CD6: variants seen among roughly 807,000 people sequenced by gnomAD.
CD6 encodes the protein CD6 molecule, also known as T-cell differentiation antigen CD6.
CD6 carries 53 observed loss-of-function variants against 75.3 expected under a neutral mutation model. That is an observed-to-expected ratio of 0.70 (90% CI 0.56 to 0.88). CD6 has a LOEUF of 0.88. Ranked by LOEUF, CD6 falls within the 40% of genes least tolerant of loss-of-function variation. CD6 has a pLI of 0.00. For missense variants in CD6, 770 were observed against 897.1 expected (o/e 0.86, Z 1.81); for synonymous variants, 359 against 381.5 (o/e 0.94, Z 0.69).
At chr11:60,990,467 A>G (rs919298835) in intron 1 of CD6, among the ~76,000 whole-genome samples, 4 of 152,246 alleles carry the variant, frequency 2.6e-5, no homozygotes, top group Admixed American at 1.3e-4. Flanking sequence ...CAAGTGATCC[A>G]CTTGCCTCGG....
rs1858895331 is a variant in CD6 at position 61,007,048 on chromosome 11, TG to T, written c.118+410del. Among the ~76,000 whole-genome samples, 2 of 152,194 alleles carry T rather than the reference TG, an allele frequency of 1.3e-5. No homozygotes were observed. The highest frequency in any genetic ancestry group is 4.2e-4 in the South Asian group (2 of 4,818). ...CAGGTGGTTCCCATAGAAGGGGTTC[TG>T]GGGAAGTGAGGACCACCATCAGCTG... On this transcript the variant is annotated intron_variant, in intron 2 of 12. Transcript: ENST00000313421. This position sits in a 1 kb window ranked among gnomAD's most constrained non-coding sequence, Gnocchi z 4.2.
intron 3 of CD6, 151 bp downstream of exon 3, chr11:61,008,061 G>A (rs894358411): frequency 8.5e-5 from 40 of 472,732 alleles, no homozygotes; most frequent in Non-Finnish European, 1.3e-4. Flanking sequence ...TTCCCACACC[G>A]GAGGACGACC....
intron 1 of CD6, among the ~76,000 whole-genome samples, chr11:61,000,397 C>A (rs535395392): frequency 6.6e-6 from 1 of 152,088 alleles, no homozygotes; most frequent in Admixed American, 6.5e-5. Context: ...ATGTTTCCAT[C>A]GTCCCTTTCC....
intron 1 of CD6, among the ~76,000 whole-genome samples, chr11:60,995,886 G>T (rs1441746889): frequency 6.6e-6 from 1 of 152,198 alleles, no homozygotes; most frequent in Non-Finnish European, 1.5e-5. Context: ...CATTGCGGGG[G>T]AAGGGTGGGT....
chr11:61,009,431 G>T, intron 4 of CD6, 141 bp from the exon 5 acceptor site: 1 of 751,028 alleles, frequency 1.3e-6, no homozygotes. Flanking sequence ...GGTGACAGGG[G>T]GACACAGACA....
chr11:61,003,663 G>A (rs1858708401), intron 1 of CD6, among the ~76,000 whole-genome samples: 1 of 152,222 alleles, frequency 6.6e-6, no homozygotes, highest in South Asian at 2.1e-4. Context: ...GAACCCAGGA[G>A]GTGGAGGTTG....
chr11:60,996,196 A>C (rs1038607627), intron 1 of CD6, among the ~76,000 whole-genome samples: 1 of 152,132 alleles, frequency 6.6e-6, no homozygotes, highest in African/African-American at 2.4e-5. Context: ...ATTAAATCAT[A>C]CTGAATAAAT....
intron 6 of CD6, among the ~76,000 whole-genome samples, chr11:61,013,005 G>C (rs1859218140): frequency 6.6e-6 from 1 of 152,194 alleles, no homozygotes; most frequent in East Asian, 1.9e-4. Context: ...TCATCATACT[G>C]GACTGGGTTA....
At chr11:60,986,964 C>A (rs1857843082) in intron 1 of CD6, among the ~76,000 whole-genome samples, 1 of 152,152 alleles carries the variant, frequency 6.6e-6, no homozygotes, top group African/African-American at 2.4e-5. Flanking sequence ...CCCGTCTCTA[C>A]TAAAAATACA....
At chr11:60,972,612 G>A (rs746273348) in intron 1 of CD6, among the ~76,000 whole-genome samples, 3 of 152,196 alleles carry the variant, frequency 2.0e-5, no homozygotes, top group Non-Finnish European at 4.4e-5. Flanking sequence ...AAGCTGGCCA[G>A]AGCGGGGCAG....
chr11:60,984,532 G>T (rs1362481953), intron 1 of CD6, among the ~76,000 whole-genome samples: 2 of 152,226 alleles, frequency 1.3e-5, no homozygotes, highest in Non-Finnish European at 2.9e-5. Flanking sequence ...CTACTAGTAT[G>T]TGTTAGGCAC....
chr11:60,996,800 G>A (rs1018883222), intron 1 of CD6, among the ~76,000 whole-genome samples: 1 of 152,142 alleles, frequency 6.6e-6, no homozygotes, highest in Non-Finnish European at 1.5e-5. Flanking sequence ...TGACCTCCCC[G>A]TGGGCCTTGG....
intron 9 of CD6, 76 bp downstream of exon 9, chr11:61,015,911 G>A (rs1859382577): frequency 1.9e-6 from 3 of 1,558,382 alleles, no homozygotes; most frequent in Non-Finnish European, 2.6e-6. Flanking sequence ...CGTCAGGTCA[G>A]TAGTCCCACC....
At chr11:60,999,916 G>T (rs1858500128) in intron 1 of CD6, among the ~76,000 whole-genome samples, 1 of 151,892 alleles carries the variant, frequency 6.6e-6, no homozygotes, top group African/African-American at 2.4e-5. Flanking sequence ...AGCCAGGCAT[G>T]GTGGCAGGCG....
intron 1 of CD6, among the ~76,000 whole-genome samples, chr11:60,994,941 C>A (rs139026211): frequency 8.1e-4 from 123 of 152,286 alleles, no homozygotes; most frequent in African/African-American, 2.9e-3. Flanking sequence ...TCACAGCAGC[C>A]AGTCACCTCT....
chr11:61,001,939 C>T (rs1053931645), intron 1 of CD6, among the ~76,000 whole-genome samples: 5 of 152,244 alleles, frequency 3.3e-5, no homozygotes, highest in Non-Finnish European at 7.3e-5. Flanking sequence ...GCCCCTTCCC[C>T]TGAAGCCCAC....
chr11:60,975,033 T>C (rs1478816095), intron 1 of CD6, among the ~76,000 whole-genome samples: 1 of 152,238 alleles, frequency 6.6e-6, no homozygotes, highest in East Asian at 1.9e-4. Flanking sequence ...AAAGGCTGTT[T>C]GTGGCTACTT....
intron 1 of CD6, among the ~76,000 whole-genome samples, chr11:60,988,839 C>G (rs994247719): frequency 6.6e-6 from 1 of 152,210 alleles, no homozygotes; most frequent in African/African-American, 2.4e-5. Context: ...AGAACCAGGG[C>G]CCCTCCTGAG....
At chr11:61,018,045 A>C (rs1353561569) in intron 11 of CD6, 32 bp downstream of exon 11, 6 of 1,602,930 alleles carry the variant, frequency 3.7e-6, no homozygotes, top group Non-Finnish European at 5.1e-6. Flanking sequence ...CCCCCATCCC[A>C]TAGCCAGCCT....
Sources: allele counts gnomAD v4.1 joint callset (sites outside exome capture counted in the v4.1 genomes callset), GRCh38; gene constraint gnomAD v4.1.1; non-coding constraint Gnocchi (gnomAD v3.1); transcripts MANE v1.5; gene names NCBI Gene and HGNC (gene_info 2026-07-23, HGNC 2026-07-21).